LIN28B: variants seen among roughly 807,000 people sequenced by gnomAD.
The protein encoded by LIN28B is protein lin-28 homolog B.
A neutral mutation model predicts 21.9 loss-of-function variants in LIN28B; 5 were observed. That is an observed-to-expected ratio of 0.23 (90% CI 0.12 to 0.48). The LOEUF is 0.48. LIN28B is among the 20% of genes least tolerant of loss of function. The pLI is 0.98. For synonymous variants in LIN28B, 109 were observed against 111.3 expected, an observed-to-expected ratio of 0.98 and a Z score of 0.13; for missense variants, 245 against 310.5, an observed-to-expected ratio of 0.79 and a Z score of 1.58.
rs574247027 is a variant in LIN28B, at chr6:105,036,928, C to A, written c.383+10446C>A. On this transcript the variant is annotated intron_variant, in intron 3 of 3. Coordinates refer to ENST00000345080, the MANE Select transcript of LIN28B (RefSeq NM_001004317.4). ...GTATTTTAGAAATTTGATATCCTTTCTAAAAAGGAAATTAATTTAGCCTCT... is the reference window on the plus strand; with the variant it reads ...GTATTTTAGAAATTTGATATCCTTTATAAAAAGGAAATTAATTTAGCCTCT... 4.1e-5 allele frequency among the ~76,000 whole-genome samples: 6 copies of A among 147,520 alleles called. No individual in the cohort carries two copies. In the South Asian group the frequency reaches 1.4e-3, roughly 35 times the overall value.
chr6:105,064,627 T>C (rs979926194), intron 3 of LIN28B, among the ~76,000 whole-genome samples: 1 of 152,184 alleles, frequency 6.6e-6, no homozygotes, highest in Non-Finnish European at 1.5e-5. Flanking sequence ...CACTGCCATT[T>C]GTAGCTATTG....
intron 3 of LIN28B, among the ~76,000 whole-genome samples, chr6:105,048,984 T>C (rs1054622329): frequency 2.0e-5 from 3 of 152,150 alleles, no homozygotes; most frequent in African/African-American, 7.2e-5. Flanking sequence ...GATTCATTGA[T>C]GTTTTGAAGG....
intron 3 of LIN28B, among the ~76,000 whole-genome samples, chr6:105,058,313 C>T (rs1007096975): frequency 3.3e-5 from 5 of 152,184 alleles, no homozygotes; most frequent in African/African-American, 1.2e-4. Flanking sequence ...GTTATCTTGC[C>T]TTTTCCCTTC....
At chr6:104,937,393 T>C (rs1205055445) in intron 2 of LIN28B, among the ~76,000 whole-genome samples, 1 of 152,056 alleles carries the variant, frequency 6.6e-6, no homozygotes. Context: ...GGCTGTCTGC[T>C]GAGTACCAGC....
chr6:105,014,639 G>A (rs990705502), intron 2 of LIN28B, among the ~76,000 whole-genome samples: 8 of 152,008 alleles, frequency 5.3e-5, no homozygotes, highest in South Asian at 4.1e-4. Flanking sequence ...TCTTTTTATA[G>A]CGACAGGGTT....
intron 2 of LIN28B, among the ~76,000 whole-genome samples, chr6:105,013,114 C>T (rs1237676869): frequency 6.6e-6 from 1 of 151,976 alleles, no homozygotes; most frequent in Non-Finnish European, 1.5e-5. Context: ...CTCCCAGGTT[C>T]GATTCTCCTG....
chr6:104,963,027 C>G (rs1240152755), intron 2 of LIN28B, among the ~76,000 whole-genome samples: 1 of 152,068 alleles, frequency 6.6e-6, no homozygotes, highest in Non-Finnish European at 1.5e-5. Context: ...TTAATCATAA[C>G]ATCACATTTA....
chr6:104,999,180 TG>T (rs147584583), intron 2 of LIN28B, among the ~76,000 whole-genome samples: 1,769 of 152,230 alleles, frequency 0.012, 38 homozygotes, highest in African/African-American at 0.041. Context: ...TTTTTTGAGG[TG>T]GGGGCTAGAG....
chr6:105,042,032 C>A (rs980591170), intron 3 of LIN28B, among the ~76,000 whole-genome samples: 57 of 152,104 alleles, frequency 3.7e-4, no homozygotes, highest in Admixed American at 3.7e-3. Flanking sequence ...CACAAAAGTT[C>A]AGAATTAATT....
chr6:104,991,342 G>A (rs1429512625), intron 2 of LIN28B, among the ~76,000 whole-genome samples: 28 of 148,082 alleles, frequency 1.9e-4, no homozygotes, highest in Non-Finnish European at 3.0e-4. Flanking sequence ...CAGAGTGGGC[G>A]GCCGGGCAGA....
chr6:104,965,855 TTAAATAGGCCTGTTGTGA>T (rs1769845778), intron 2 of LIN28B, among the ~76,000 whole-genome samples: 1 of 152,248 alleles, frequency 6.6e-6, no homozygotes, highest in African/African-American at 2.4e-5. Flanking sequence ...AAATACTGTT[TTAAATAGGCCTGTTGTGA>T]TAATTTAATA....
chr6:105,046,133 A>G (rs893809668), intron 3 of LIN28B, among the ~76,000 whole-genome samples: 1 of 152,156 alleles, frequency 6.6e-6, no homozygotes, highest in African/African-American at 2.4e-5. Flanking sequence ...CAACATTTAC[A>G]TTAGGTATAT....
chr6:105,014,716 A>T (rs973544161), intron 2 of LIN28B, among the ~76,000 whole-genome samples: 10 of 152,158 alleles, frequency 6.6e-5, no homozygotes, highest in African/African-American at 2.4e-4. Context: ...GGCTTCCCAG[A>T]GTGTTGGATT....
rs1288846731 is a variant in LIN28B at position 105,082,972 on chromosome 6, A to G, written c.*4189A>G. ...TTTGGTATTAACAACTAACCGTACT[A>G]GAGACCAAAGTGAACCCTGATTTTT... is the stretch of plus-strand genomic sequence containing the variant. On this transcript the variant is annotated 3_prime_UTR_variant, in exon 4 of 4. Coordinates refer to ENST00000345080, the MANE Select transcript of LIN28B (RefSeq NM_001004317.4). The G allele has an allele frequency of 1.3e-5, 2 of 152,682 alleles. No homozygotes were observed. The highest frequency in any genetic ancestry group is 4.8e-5 in the African/African-American group (2 of 41,478). The allele number at this position is 152,682 out of a possible 1,614,324, so 9.5% of individuals were successfully genotyped here. A position where few individuals can be genotyped will look rare whatever the true frequency, so the allele number is the denominator to read the frequency against.
chr6:104,999,750 G>A (rs1233975974), intron 2 of LIN28B, among the ~76,000 whole-genome samples: 3 of 151,916 alleles, frequency 2.0e-5, no homozygotes, highest in Non-Finnish European at 2.9e-5. Context: ...GCATGATCTC[G>A]GCTCACTACA....
At chr6:105,030,141 T>C (rs1771389346) in intron 3 of LIN28B, among the ~76,000 whole-genome samples, 1 of 152,190 alleles carries the variant, frequency 6.6e-6, no homozygotes, top group South Asian at 2.1e-4. Context: ...GATTAGCAAT[T>C]CCAGTTTTCC....
chr6:105,078,928 ACT>A lies in LIN28B; in HGVS notation c.*148_*149del. The A allele has an allele frequency of 1.2e-6, 1 of 848,892 alleles. No homozygotes were observed. Among genetic ancestry groups the A allele is most frequent in the South Asian group, 1.9e-5 (1 of 53,760 alleles). The allele number at this position is 848,892 out of a possible 1,614,324, so 52.6% of individuals were successfully genotyped here. ...TGTGAATTTTTTAAACAGACAAATCACTCTAAGCAAATTACATTTGAGCAGGG... is the reference window on the plus strand; with the variant it reads ...TGTGAATTTTTTAAACAGACAAATCACTAAGCAAATTACATTTGAGCAGGG... On this transcript the variant is annotated 3_prime_UTR_variant, in exon 4 of 4. Coordinates refer to ENST00000345080, the MANE Select transcript of LIN28B (RefSeq NM_001004317.4).
At chr6:105,046,591 C>A (rs1418608030) in intron 3 of LIN28B, among the ~76,000 whole-genome samples, 1 of 152,180 alleles carries the variant, frequency 6.6e-6, no homozygotes. Context: ...GGAATCGCCA[C>A]ACTGACTTCC....
chr6:105,082,472 T>TTATC lies in LIN28B; in HGVS notation c.*3691_*3694dup, dbSNP rs1188306511. On this transcript the variant is annotated 3_prime_UTR_variant, in exon 4 of 4. Coordinates refer to ENST00000345080, the MANE Select transcript of LIN28B (RefSeq NM_001004317.4). Reference sequence around the variant, plus strand: ...AGTCTTAAAGTTAATTTAAATTAATTTATCTGTTTTCTCTAAGAAATGTTT... The same window carrying TTATC: ...AGTCTTAAAGTTAATTTAAATTAATTTATCTATCTGTTTTCTCTAAGAAATGTTT... 6.5e-6 allele frequency: 1 copy of TTATC among 152,674 alleles called. No individual in the cohort carries two copies. Among genetic ancestry groups the TTATC allele is most frequent in the Non-Finnish European group, 1.5e-5 (1 of 68,044 alleles). 9.5% of individuals were successfully genotyped at this position (152,674 alleles called of 1,614,324 possible).
Sources: allele counts gnomAD v4.1 joint callset (sites outside exome capture counted in the v4.1 genomes callset), GRCh38; gene constraint gnomAD v4.1.1; transcripts MANE v1.5; gene names NCBI Gene and HGNC (gene_info 2026-07-23, HGNC 2026-07-21).